ESCO2: variants seen among roughly 807,000 people sequenced by gnomAD.
ESCO2 encodes the protein establishment of sister chromatid cohesion N-acetyltransferase 2, also known as N-acetyltransferase ESCO2.
ESCO2 carries 51 observed loss-of-function variants against 61.7 expected under a neutral mutation model. That is an observed-to-expected ratio of 0.83 (90% CI 0.66 to 1.04). The LOEUF is 1.04. ESCO2 is among the 50% of genes least tolerant of loss of function. The probability of loss-of-function intolerance (pLI) is 0.00; values close to 1 mark genes in which losing one functional copy is unlikely to be tolerated. For missense variants in ESCO2, 692 were observed against 686.2 expected (o/e 1.01, Z -0.09); for synonymous variants, 230 against 238.2 (o/e 0.97, Z 0.32).
chr8:27,791,884 C>T, intron 7 of ESCO2, 79 bp from the exon 8 acceptor site: 1 of 1,208,166 alleles, frequency 8.3e-7, no homozygotes, highest in Non-Finnish European at 1.2e-6. Flanking sequence ...CTTTTGTCTT[C>T]TCCACATCAA....
In ESCO2 at chr8:27,777,090, C is replaced by A; in HGVS notation, c.782C>A (p.Pro261Gln). 1 of 1,602,646 alleles carries A rather than the reference C, an allele frequency of 6.2e-7. No individual in the cohort carries two copies. The highest frequency in any genetic ancestry group is 1.1e-5 in the South Asian group (1 of 87,628). ...AAAACTTTTGCGACAAGGCAAGTGCCAAAGTGCTTGGTCCTAGAAGAGAAA... is the reference window on the plus strand; with the variant it reads ...AAAACTTTTGCGACAAGGCAAGTGCAAAAGTGCTTGGTCCTAGAAGAGAAA... ...EKKTFATRQV[P>Q]KCLVLEEKLK... The change falls in exon 3 of 11, where the codon CCA becomes CAA. Residue 261 changes from proline to glutamine, a missense_variant. Transcript: ENST00000305188.
At position 27,799,555 on chromosome 8, in the gene ESCO2, G is replaced by T. The variant is rs755764215; in HGVS notation, c.1512G>T (p.Leu504=). 1 of 1,613,786 alleles carries T rather than the reference G, an allele frequency of 6.2e-7. No homozygotes were observed. Among genetic ancestry groups the T allele is most frequent in the South Asian group, 1.1e-5 (1 of 91,064 alleles). Residue 504 remains leucine, a synonymous_variant, in exon 10 of 11, where the codon CTG becomes CTT. Transcript: ENST00000305188. The part of the protein sequence containing the change: ...AEPIKQAFRV[L]SEPIGPESPS... ...TATCATTGCAGGCATTTCGTGTCCTGTCTGAACCAATTGGTCCAGAATCCC... is the reference window on the plus strand; with the variant it reads ...TATCATTGCAGGCATTTCGTGTCCTTTCTGAACCAATTGGTCCAGAATCCC...
At chr8:27,815,632 A>C (rs965594895), downstream of ESCO2, among the ~76,000 whole-genome samples, 1 of 152,218 alleles carries the variant, frequency 6.6e-6, no homozygotes, top group Non-Finnish European at 1.5e-5. Flanking sequence ...GTACACATAC[A>C]TTCTAAGTAG....
At chr8:27,781,639 C>A (rs1165156604) in intron 4 of ESCO2, among the ~76,000 whole-genome samples, 1 of 150,876 alleles carries the variant, frequency 6.6e-6, no homozygotes, top group African/African-American at 2.4e-5. Context: ...TGGCTCACTG[C>A]AGCCTCCACC....
Position 27,787,939 on chromosome 8 carries a change from C to A in ESCO2, c.1068C>A (p.Thr356=), listed in dbSNP as rs1367659355. ...GATCTGTCAACTTCATGAAACAGAC[C>A]AATATCCAGAAAAATACTAATACCA... The part of the protein sequence containing the change: ...SVGSVNFMKQ[T]NIQKNTNTRD... Residue 356 remains threonine (T), a synonymous_variant, in exon 6 of 11, where the codon ACC becomes ACA. Coordinates refer to ENST00000305188, the MANE Select transcript of ESCO2 (RefSeq NM_001017420.3). 3 of 1,613,568 alleles carry A rather than the reference C, an allele frequency of 1.9e-6. No individual in the cohort carries two copies. Among genetic ancestry groups the A allele is most frequent in the Admixed American group, 3.3e-5 (2 of 59,992 alleles).
chr8:27,810,285 C>G (rs780898852), downstream of ESCO2: 3 of 1,546,406 alleles, frequency 1.9e-6, no homozygotes, highest in Non-Finnish European at 2.7e-6. Context: ...ACGCAAGCCA[C>G]ACTTCAGCTG....
intron 10 of ESCO2, 145 bp downstream of exon 10, chr8:27,799,861 T>A: frequency 2.1e-6 from 2 of 961,744 alleles, no homozygotes; most frequent in Non-Finnish European, 3.2e-6. Flanking sequence ...GTATTGGTAC[T>A]AGAAAAACCA....
downstream of ESCO2, among the ~76,000 whole-genome samples, chr8:27,816,246 T>C (rs78451596): frequency 6.6e-6 from 1 of 151,878 alleles, no homozygotes. Flanking sequence ...GTCTGTCTCA[T>C]GTACTCTATA....
downstream of ESCO2, among the ~76,000 whole-genome samples, chr8:27,810,771 G>T (rs2272693): frequency 0.16 from 23,912 of 152,006 alleles, 2,380 homozygotes; most frequent in East Asian, 0.37. Context: ...TTAAGATAAT[G>T]TTTTGCTTCT....
chr8:27,813,370 G>A (rs771041435), downstream of ESCO2, among the ~76,000 whole-genome samples: 1 of 152,104 alleles, frequency 6.6e-6, no homozygotes, highest in African/African-American at 2.4e-5. Flanking sequence ...TAAATGACTA[G>A]TTAATGGGTG....
rs775029619 is a variant in ESCO2, at chr8:27,776,730, A to C, written c.422A>C (p.Gln141Pro). 3.1e-6 allele frequency: 5 copies of C among 1,613,956 alleles called. No individual in the cohort carries two copies. The South Asian group carries it at 5.5e-5, about 18-fold the overall frequency. Residue 141 changes from glutamine to proline, a missense_variant, in exon 3 of 11, where the codon CAG becomes CCG. Coordinates refer to ENST00000305188, the MANE Select transcript of ESCO2 (RefSeq NM_001017420.3). ...TCCAAGAAGAACAACAAAAAACCAC[A>C]GAAGAGTTTAACTGCTAAGTATCAA... ...VCSKKNNKKPQKSLTAKYQPK... is the reference protein window; with the variant it reads ...VCSKKNNKKPPKSLTAKYQPK...
downstream of ESCO2, among the ~76,000 whole-genome samples, chr8:27,805,594 G>T (rs1805549171): frequency 1.3e-5 from 2 of 151,980 alleles, no homozygotes; most frequent in Admixed American, 1.3e-4. Flanking sequence ...TACCCTAATG[G>T]CAATGAGCAC....
At chr8:27,803,209 G>C (rs940332611) in intron 10 of ESCO2, 97 bp from the exon 11 acceptor site, 4 of 1,073,968 alleles carry the variant, frequency 3.7e-6, no homozygotes, top group Non-Finnish European at 5.7e-6. Flanking sequence ...CTAAAAATAA[G>C]GTTGATTTAA....
chr8:27,796,747 A>G (rs992357357), intron 9 of ESCO2, among the ~76,000 whole-genome samples: 1 of 152,186 alleles, frequency 6.6e-6, no homozygotes, highest in Non-Finnish European at 1.5e-5. Flanking sequence ...GCACTTGAAA[A>G]GAGTGTGCAT....
downstream of ESCO2, chr8:27,810,888 AAGAT>A: frequency 9.6e-7 from 1 of 1,038,244 alleles, no homozygotes; most frequent in Non-Finnish European, 1.5e-6. Context: ...ATATCTTAGA[AAGAT>A]AAAATTATAT....
intron 4 of ESCO2, among the ~76,000 whole-genome samples, chr8:27,781,145 A>G (rs1054252929): frequency 6.6e-6 from 1 of 152,206 alleles, no homozygotes; most frequent in Non-Finnish European, 1.5e-5. Context: ...ATATAAAAAG[A>G]CCAAAACTTT....
intron 1 of ESCO2, among the ~76,000 whole-genome samples, chr8:27,775,095 A>G (rs1804757652): frequency 6.6e-6 from 1 of 152,220 alleles, no homozygotes; most frequent in South Asian, 2.1e-4. Context: ...GCATTCTAGC[A>G]TTTGTTTTCA....
intron 10 of ESCO2, among the ~76,000 whole-genome samples, chr8:27,800,475 G>A (rs577047690): frequency 6.6e-6 from 1 of 152,322 alleles, no homozygotes; most frequent in South Asian, 2.1e-4. Context: ...ACAAGTGTTG[G>A]TGAGGATGTA....
downstream of ESCO2, among the ~76,000 whole-genome samples, chr8:27,813,757 A>T (rs1200091561): frequency 6.6e-6 from 1 of 152,206 alleles, no homozygotes; most frequent in Non-Finnish European, 1.5e-5. Flanking sequence ...CATAGTGAGG[A>T]CATTGATTCT....
Sources: gnomAD v4.1 joint callset for allele counts (sites outside exome capture counted in the v4.1 genomes callset) on GRCh38, gnomAD v4.1.1 for gene constraint, MANE v1.5 for transcripts, NCBI Gene and HGNC (gene_info 2026-07-23, HGNC 2026-07-21) for gene names.